ARSK: variants seen among roughly 807,000 people sequenced by gnomAD.
ARSK encodes arylsulfatase K.
ARSK carries 37 observed loss-of-function variants against 53.2 expected under a neutral mutation model. That is an observed-to-expected ratio of 0.70 (90% CI 0.54 to 0.92). The LOEUF (loss-of-function observed/expected upper bound fraction) is 0.92. ARSK is among the 40% of genes least tolerant of loss of function. The pLI, the probability that ARSK is intolerant of heterozygous loss-of-function variation, is 0.00. For missense variants in ARSK, 613 were observed against 643.0 expected (o/e 0.95, Z 0.51); for synonymous variants, 208 against 223.2 (o/e 0.93, Z 0.61).
At chr5:95,570,938 C>G (rs1479489282) in intron 3 of ARSK, among the ~76,000 whole-genome samples, 1 of 152,128 alleles carries the variant, frequency 6.6e-6, no homozygotes, top group African/African-American at 2.4e-5. Context: ...TGGGCCACTA[C>G]GCCCAACTAA....
In ARSK at chr5:95,601,009, G is replaced by C; in HGVS notation, c.1259G>C (p.Arg420Pro). 6.2e-7 allele frequency: 1 copy of C among 1,613,986 alleles called. No homozygotes were observed. The highest frequency in any genetic ancestry group is 8.5e-7 in the Non-Finnish European group (1 of 1,179,946). ...GTGAATGCCTCCACCTACATGCTTC[G>C]AACTAACCACTGGAAATATATAGCC... is the stretch of plus-strand genomic sequence containing the variant. ...CNVNASTYML[R>P]TNHWKYIAYS... The change falls in exon 7 of 8, where the codon CGA becomes CCA. Residue 420 changes from arginine (R) to proline (P), a missense_variant. Transcript: ENST00000380009.
chr5:95,555,355 G>C lies in ARSK; in HGVS notation c.77G>C (p.Arg26Pro), dbSNP rs61733082. ...GCCCCCGGAGCAGGGGAGCAGAGGC[G>C]GAGAGCAGCCAAAGCGCCCAATGTG... is the stretch of plus-strand genomic sequence containing the variant. The part of the protein sequence containing the change: ...VLAPGAGEQR[R>P]RAAKAPNVVL... Residue 26 changes from arginine to proline, a missense_variant, in exon 1 of 8, where the codon CGG (arginine) becomes CCG (proline). Arg to Pro is a moderately radical substitution (Grantham distance 103). Transcript: ENST00000380009. The surrounding 1 kb of genome is among the most constrained non-coding windows in gnomAD (Gnocchi z 4.0). The C allele has an allele frequency of 2.4e-3, 3,889 of 1,610,262 alleles. 73 individuals are homozygous for C. In the African/African-American group the frequency reaches 0.04, roughly 16 times the overall value.
At chr5:95,586,370 C>G (rs1289527893) in intron 4 of ARSK, among the ~76,000 whole-genome samples, 192 bp from the exon 5 acceptor site, 1 of 151,888 alleles carries the variant, frequency 6.6e-6, no homozygotes, top group Non-Finnish European at 1.5e-5. Flanking sequence ...TTGATATATA[C>G]CTTTTGTTAT....
intron 4 of ARSK, among the ~76,000 whole-genome samples, chr5:95,583,439 C>T (rs1749056645): frequency 6.6e-6 from 1 of 152,082 alleles, no homozygotes; most frequent in Admixed American, 6.6e-5. Context: ...AACAGAGAAA[C>T]TAAAAGGCAT....
At chr5:95,596,620 A>G (rs988431440) in intron 6 of ARSK, among the ~76,000 whole-genome samples, 2 of 152,138 alleles carry the variant, frequency 1.3e-5, no homozygotes, top group African/African-American at 2.4e-5. Context: ...ATATATCTCA[A>G]GCCAAAAACT....
chr5:95,590,175 GT>G (rs1749188024), intron 5 of ARSK, among the ~76,000 whole-genome samples: 1 of 152,170 alleles, frequency 6.6e-6, no homozygotes, highest in African/African-American at 2.4e-5. Flanking sequence ...GATAATGCAT[GT>G]TTGAGCTGGG....
At chr5:95,570,601 A>G (rs1187866962) in intron 3 of ARSK, among the ~76,000 whole-genome samples, 1 of 152,246 alleles carries the variant, frequency 6.6e-6, no homozygotes, top group Admixed American at 6.5e-5. Flanking sequence ...TGTAAGAATT[A>G]TGATGCCTAC....
At position 95,567,973 on chromosome 5, in the gene ARSK, G is replaced by A; in HGVS notation, c.340G>A (p.Asp114Asn). 6.2e-7 allele frequency: 1 copy of A among 1,613,692 alleles called. No homozygotes were observed. The highest frequency in any genetic ancestry group is 1.1e-5 in the South Asian group (1 of 91,050). The part of the protein sequence containing the change: ...GLDPNYTTWM[D>N]VMERHGYRTQ... ...AGATCCAAATTATACAACATGGATGGATGTCATGGAGAGGCATGGCTACCG... is the reference window on the plus strand; with the variant it reads ...AGATCCAAATTATACAACATGGATGAATGTCATGGAGAGGCATGGCTACCG... Residue 114 changes from aspartate (D) to asparagine (N), a missense_variant, in exon 3 of 8, where the codon GAT becomes AAT. Physicochemically the swap from Asp to Asn is conservative, Grantham distance 23. Coordinates refer to ENST00000380009, the MANE Select transcript of ARSK (RefSeq NM_198150.3).
At chr5:95,587,059 G>A (rs899187710) in intron 5 of ARSK, among the ~76,000 whole-genome samples, 3 of 152,158 alleles carry the variant, frequency 2.0e-5, no homozygotes, top group African/African-American at 7.2e-5. Flanking sequence ...CATGTGATTG[G>A]TAATTGTAAG....
intron 3 of ARSK, among the ~76,000 whole-genome samples, chr5:95,572,918 A>G (rs1184152630): frequency 1.3e-5 from 2 of 152,200 alleles, no homozygotes; most frequent in Non-Finnish European, 1.5e-5. Context: ...GCTGCCAAGA[A>G]GACATTTGAC....
At chr5:95,576,567 A>G (rs1250609250) in intron 3 of ARSK, among the ~76,000 whole-genome samples, 1 of 151,854 alleles carries the variant, frequency 6.6e-6, no homozygotes, top group Non-Finnish European at 1.5e-5. Flanking sequence ...AGTACTCTCA[A>G]TATGGTGATC....
intron 1 of ARSK, among the ~76,000 whole-genome samples, chr5:95,562,081 GGT>G (rs1748645492): frequency 6.6e-6 from 1 of 152,036 alleles, no homozygotes; most frequent in African/African-American, 2.4e-5. Context: ...CAGGCATGGT[GGT>G]GGGCACCTGC....
chr5:95,565,264 G>A (rs781379599), intron 1 of ARSK, among the ~76,000 whole-genome samples: 9 of 151,176 alleles, frequency 6.0e-5, no homozygotes, highest in Non-Finnish European at 1.2e-4. Flanking sequence ...ATTTTTTTTT[G>A]TAGAAACAGG....
Position 95,586,596 on chromosome 5 carries a change from C to T in ARSK, c.734C>T (p.Ser245Leu). 1 of 1,611,986 alleles carries T rather than the reference C, an allele frequency of 6.2e-7. No homozygotes were observed. Among genetic ancestry groups the T allele is most frequent in the African/African-American group, 1.3e-5 (1 of 74,924 alleles). ...SHDAIKIPKW[S>L]PLSEMHPVDY... is the part of the protein sequence containing the mutation. The stretch of plus-strand genomic sequence containing the variant: ...GATGCCATCAAAATCCCAAAGTGGT[C>T]ACCTTTGTCAGAAATGCACCCTGTA... The change falls in exon 5 of 8, where the codon TCA becomes TTA. Residue 245 changes from serine to leucine, a missense_variant. Coordinates refer to ENST00000380009, the MANE Select transcript of ARSK (RefSeq NM_198150.3).
chr5:95,597,786 C>T (rs1035844125), intron 6 of ARSK, among the ~76,000 whole-genome samples: 4 of 151,450 alleles, frequency 2.6e-5, no homozygotes, highest in East Asian at 3.9e-4. Context: ...CCCAGCTACT[C>T]GGGAGGCTGA....
intron 6 of ARSK, 133 bp from the exon 7 acceptor site, chr5:95,600,714 C>T (rs1216642960): frequency 1.2e-5 from 11 of 950,738 alleles, no homozygotes; most frequent in Non-Finnish European, 1.8e-5. Context: ...AGCCTGTTTA[C>T]AAAATCCATA....
At chr5:95,569,990 A>G (rs1460572539) in intron 3 of ARSK, among the ~76,000 whole-genome samples, 3 of 152,104 alleles carry the variant, frequency 2.0e-5, no homozygotes, top group Non-Finnish European at 2.9e-5. Context: ...CAACTTACTC[A>G]CTTCTCAACT....
intron 3 of ARSK, among the ~76,000 whole-genome samples, chr5:95,573,213 T>A (rs1748865342): frequency 6.6e-6 from 1 of 152,192 alleles, no homozygotes; most frequent in South Asian, 2.1e-4. Flanking sequence ...CAAATCCACT[T>A]AACACTATTA....
chr5:95,579,556 G>C (rs1748988625), intron 3 of ARSK, among the ~76,000 whole-genome samples: 1 of 152,208 alleles, frequency 6.6e-6, no homozygotes, highest in African/African-American at 2.4e-5. Flanking sequence ...CCCACAACAT[G>C]TGGGAATTAT....
Sources: gnomAD v4.1 joint callset for allele counts (sites outside exome capture counted in the v4.1 genomes callset) on GRCh38, gnomAD v4.1.1 for gene constraint, Gnocchi (gnomAD v3.1) non-coding constraint, MANE v1.5 for transcripts, NCBI Gene and HGNC (gene_info 2026-07-23, HGNC 2026-07-21) for gene names.